SNX25: variants seen among roughly 807,000 people sequenced by gnomAD.
SNX25 encodes sorting nexin-25.
Under a neutral mutation model 113.7 loss-of-function variants are expected in SNX25, and 62 were observed. That is an observed-to-expected ratio of 0.55 (90% CI 0.44 to 0.67). SNX25 has a LOEUF of 0.67. Ranked by LOEUF, SNX25 falls within the 30% of genes least tolerant of loss-of-function variation. SNX25 has a pLI of 0.00. For missense variants in SNX25, 1,014 were observed against 1,161.0 expected (o/e 0.87, Z 1.84); for synonymous variants, 421 against 436.2 (o/e 0.97, Z 0.43).
At chr4:185,376,010 C>T in the SNX25 span, among the ~76,000 whole-genome samples, 1 of 152,148 alleles carries the variant, frequency 6.6e-6, no homozygotes, top group Admixed American at 6.5e-5. Flanking sequence ...AGGTGAACAG[C>T]TGCCCAAATA....
At chr4:185,330,843 T>G (rs972123586) in intron 9 of SNX25, among the ~76,000 whole-genome samples, 1 of 152,198 alleles carries the variant, frequency 6.6e-6, no homozygotes, top group Non-Finnish European at 1.5e-5. Context: ...ATCACTGAAC[T>G]GATTAGTCCA....
At chr4:185,214,860 C>A (rs944596896) in intron 1 of SNX25, among the ~76,000 whole-genome samples, 4 of 152,200 alleles carry the variant, frequency 2.6e-5, no homozygotes, top group Admixed American at 6.6e-5. Context: ...AAGTATCCAA[C>A]TGATATTTTT....
At chr4:185,347,416 T>C (rs1579880182) in intron 13 of SNX25, among the ~76,000 whole-genome samples, 1 of 152,190 alleles carries the variant, frequency 6.6e-6, no homozygotes, top group Non-Finnish European at 1.5e-5. Context: ...GGTGTAGTAG[T>C]ATCTCATTGT....
In SNX25 at chr4:185,320,799, A is replaced by G. The variant is rs747676936; in HGVS notation, c.1411A>G (p.Arg471Gly). The G allele has an allele frequency of 6.2e-7, 1 of 1,606,838 alleles. No homozygotes were observed. Among genetic ancestry groups the G allele is most frequent in the African/African-American group, 1.3e-5 (1 of 74,894 alleles). Reference protein sequence around the residue: ...YREHFGMYMERMDKRALISFW... With the variant: ...YREHFGMYMEGMDKRALISFW... ...AGAGCACTTTGGAATGTACATGGAA[A>G]GGATGGACAAAAGAGCTCTGATTAG... The change falls in exon 8 of 19, where the codon AGG becomes GGG. Residue 471 changes from arginine (R) to glycine (G), a missense_variant. Arg to Gly is a moderately radical substitution (Grantham distance 125). Coordinates refer to ENST00000652585, the MANE Select transcript of SNX25 (RefSeq NM_001378034.2).
chr4:185,277,118 G>C (rs1749818032), intron 5 of SNX25, among the ~76,000 whole-genome samples: 1 of 152,054 alleles, frequency 6.6e-6, no homozygotes, highest in African/African-American at 2.4e-5. Flanking sequence ...TCTGCCTCTC[G>C]GGTTCAAGTG....
intron 1 of SNX25, among the ~76,000 whole-genome samples, chr4:185,220,396 AG>A (rs1739598081): frequency 6.6e-6 from 1 of 151,532 alleles, no homozygotes; most frequent in African/African-American, 2.4e-5. Flanking sequence ...CTCGTCATTT[AG>A]CATTAGGTAT....
At chr4:185,324,545 G>A (rs2095142609) in intron 9 of SNX25, among the ~76,000 whole-genome samples, 1 of 152,020 alleles carries the variant, frequency 6.6e-6, no homozygotes, top group Non-Finnish European at 1.5e-5. Context: ...TCAGAGGGGA[G>A]GTTATCTTGG....
At chr4:185,224,691 T>G (rs1483579074) in intron 1 of SNX25, among the ~76,000 whole-genome samples, 3 of 149,422 alleles carry the variant, frequency 2.0e-5, no homozygotes, top group Admixed American at 1.3e-4. Flanking sequence ...AATTATGAAT[T>G]CATGGGTTTG....
chr4:185,289,529 C>G (rs141341453), intron 6 of SNX25, among the ~76,000 whole-genome samples: 36 of 152,250 alleles, frequency 2.4e-4, no homozygotes, highest in Non-Finnish European at 4.6e-4. Context: ...CAAACACGAG[C>G]TCAGAGAGGC....
rs375504786 is a variant in SNX25, at chr4:185,342,006, T to C, written c.2077T>C (p.Cys693Arg). The change falls in exon 12 of 19, where the codon TGT becomes CGT. Residue 693 changes from cysteine (C) to arginine (R), a missense_variant. Coordinates refer to ENST00000652585, the MANE Select transcript of SNX25 (RefSeq NM_001378034.2). ...AGAAGAGAATGGTGAGCAATTGCCA[T>C]GTTACTTTGTCATGGTAAGCCTACA... ...VTEENGEQLPCYFVMVSLQEV... is the reference protein window; with the variant it reads ...VTEENGEQLPRYFVMVSLQEV... 1.2e-5 allele frequency: 19 copies of C among 1,608,652 alleles called. No individual in the cohort carries two copies. The highest frequency in any genetic ancestry group is 1.5e-5 in the Non-Finnish European group (18 of 1,178,202).
intron 7 of SNX25, among the ~76,000 whole-genome samples, chr4:185,314,976 C>T (rs2095060221): frequency 6.6e-6 from 1 of 151,708 alleles, no homozygotes; most frequent in Non-Finnish European, 1.5e-5. Flanking sequence ...CGCCTGTAGT[C>T]CCAGCACTTT....
chr4:185,360,611 G>A (rs147736394), intron 16 of SNX25, among the ~76,000 whole-genome samples: 2 of 152,258 alleles, frequency 1.3e-5, no homozygotes, highest in African/African-American at 2.4e-5. Context: ...TGAACTGTGT[G>A]TAGTAGTCTC....
chr4:185,225,346 G>T (rs535313048), intron 1 of SNX25, among the ~76,000 whole-genome samples: 1 of 152,106 alleles, frequency 6.6e-6, no homozygotes, highest in African/African-American at 2.4e-5. Flanking sequence ...GTATGGTCTC[G>T]ATCTCCTGAC....
chr4:185,278,494 G>A (rs919359449), intron 5 of SNX25, among the ~76,000 whole-genome samples: 2 of 36,690 alleles, frequency 5.5e-5, no homozygotes, highest in South Asian at 1.2e-3. Context: ...ATGAAATGAC[G>A]CATGGAATGA....
chr4:185,346,600 G>T lies in SNX25; in HGVS notation c.2251G>T (p.Asp751Tyr), dbSNP rs768716122. The T allele has an allele frequency of 2.5e-6, 4 of 1,590,488 alleles. No homozygotes were observed. Among genetic ancestry groups the T allele is most frequent in the Non-Finnish European group, 3.4e-6 (4 of 1,173,446 alleles). ...SLSKLPFKSI[D>Y]QKFMEKSKNQ... Reference sequence around the variant, plus strand: ...TAGCAAGCTGCCTTTCAAATCTATAGATCAAAAGTTTATGGAAAAGTCGAA... The same window carrying T: ...TAGCAAGCTGCCTTTCAAATCTATATATCAAAAGTTTATGGAAAAGTCGAA... The change falls in exon 13 of 19, where the codon GAT becomes TAT. Residue 751 changes from aspartate (D) to tyrosine (Y), a missense_variant. Physicochemically the swap from Asp to Tyr is radical, Grantham distance 160. Transcript: ENST00000652585.
At chr4:185,312,042 A>G (rs2095035138) in intron 7 of SNX25, among the ~76,000 whole-genome samples, 1 of 152,206 alleles carries the variant, frequency 6.6e-6, no homozygotes. Flanking sequence ...GAGATGGTAG[A>G]TTTGACAGGT....
chr4:185,249,554 G>T lies in SNX25; in HGVS notation c.514+2176G>T, dbSNP rs192520520. ...AGATTTTTCTCCTAGTTTGTGAGTT[G>T]CCTTTTGTTTTCTTAATGCTATCTT... is the stretch of plus-strand genomic sequence containing the variant. On this transcript the variant is annotated intron_variant, in intron 2 of 18. Transcript: ENST00000652585. Among the ~76,000 whole-genome samples, 59 of 152,178 alleles carry T rather than the reference G, an allele frequency of 3.9e-4. No individual in the cohort carries two copies. In the East Asian group the frequency reaches 8.1e-3, roughly 21 times the overall value.
rs1298539989 is a variant in SNX25, at chr4:185,245,235, A to G, written c.430-2059A>G. On this transcript the variant is annotated intron_variant, in intron 1 of 18. Coordinates refer to ENST00000652585, the MANE Select transcript of SNX25 (RefSeq NM_001378034.2). ...ATTGTATATGCTTTTGATTACGGTG[A>G]TATGTGATCAAGTAAAAAAAAATCC... Among the ~76,000 whole-genome samples the G allele has an allele frequency of 7.9e-5, 9 of 114,452 alleles. No individual in the cohort carries two copies. The Admixed American group carries it at 8.5e-4, about 11-fold the overall frequency. 75.1% of individuals were successfully genotyped at this position (114,452 alleles called of 152,430 possible). A position where few individuals can be genotyped will look rare whatever the true frequency, so the allele number is the denominator to read the frequency against.
chr4:185,322,990 C>T (rs77679319), intron 8 of SNX25, among the ~76,000 whole-genome samples: 1,856 of 152,260 alleles, frequency 0.012, 37 homozygotes, highest in African/African-American at 0.042. Flanking sequence ...TTTTGCATTT[C>T]TGAAGTAGGC....
Sources: gnomAD v4.1 joint callset for allele counts (sites outside exome capture counted in the v4.1 genomes callset) on GRCh38, gnomAD v4.1.1 for gene constraint, MANE v1.5 for transcripts, NCBI Gene and HGNC (gene_info 2026-07-23, HGNC 2026-07-21) for gene names.